The following MTMR1 variants were observed in gnomAD, a reference collection of about 807,000 sequenced individuals.
The protein encoded by MTMR1 is myotubularin related protein 1.
Under a neutral mutation model 51.6 loss-of-function variants are expected in MTMR1, and 17 were observed. The observed-to-expected ratio is 0.33, with a 90% confidence interval of 0.23 to 0.49. The LOEUF (loss-of-function observed/expected upper bound fraction) is 0.49, where lower values mean the gene tolerates loss of function less well. MTMR1 is among the 20% of genes least tolerant of loss of function. MTMR1 has a pLI of 0.99. For missense variants in MTMR1, 386 were observed against 526.9 expected (o/e 0.73, Z 2.62); for synonymous variants, 201 against 205.6 (o/e 0.98, Z 0.19).
chrX:150,742,765 C>T (rs1453657502), intron 12 of MTMR1, among the ~76,000 whole-genome samples: 2 of 95,028 alleles, frequency 2.1e-5, no homozygotes, highest in African/African-American at 8.2e-5. Context: ...TGCAGTGAGC[C>T]GAGATTGCGT....
chrX:150,758,705 C>T (rs1031882606), intron 15 of MTMR1, among the ~76,000 whole-genome samples: 3 of 108,963 alleles, frequency 2.8e-5, no homozygotes, highest in East Asian at 5.8e-4. Flanking sequence ...GCAGAAGAAT[C>T]GCTTGAACCT....
intron 6 of MTMR1, among the ~76,000 whole-genome samples, chrX:150,729,360 C>G (rs1207432452): frequency 8.9e-6 from 1 of 111,876 alleles, no homozygotes; most frequent in African/African-American, 3.3e-5. Flanking sequence ...AGAGGGAGGG[C>G]ATGTCAGGAA....
intron 14 of MTMR1, among the ~76,000 whole-genome samples, chrX:150,754,445 G>A (rs959448014): frequency 8.9e-6 from 1 of 112,587 alleles, no homozygotes; most frequent in Non-Finnish European, 1.9e-5. Flanking sequence ...TGGCCTTGCC[G>A]TTTTCTCATT....
At chrX:150,761,469 G>C (rs781864103) in intron 15 of MTMR1, among the ~76,000 whole-genome samples, 32 of 112,764 alleles carry the variant, frequency 2.8e-4, no homozygotes, top group Non-Finnish European at 5.6e-4. Context: ...TTGAGGGAGT[G>C]GGGGAAGGAC....
chrX:150,707,311 A>G (rs933008204), intron 2 of MTMR1, among the ~76,000 whole-genome samples: 1 of 112,107 alleles, frequency 8.9e-6, no homozygotes, highest in African/African-American at 3.2e-5. Flanking sequence ...TACAAAGTGG[A>G]AGAAAATATT....
At chrX:150,760,567 C>G (rs1227442982) in intron 15 of MTMR1, among the ~76,000 whole-genome samples, 1 of 111,886 alleles carries the variant, frequency 8.9e-6, no homozygotes, top group African/African-American at 3.2e-5. Context: ...CTAACACAAT[C>G]CTCTGTTTAA....
intron 1 of MTMR1, among the ~76,000 whole-genome samples, chrX:150,697,736 G>A (rs7061476): frequency 8.9e-6 from 1 of 111,840 alleles, no homozygotes; most frequent in African/African-American, 3.3e-5. Context: ...GCAAGGCTAC[G>A]TGTGTGAAAA....
intron 10 of MTMR1, among the ~76,000 whole-genome samples, chrX:150,734,235 C>A (rs1396955157): frequency 8.9e-6 from 1 of 112,732 alleles, no homozygotes; most frequent in African/African-American, 3.2e-5. Flanking sequence ...TTAGGTTCCA[C>A]CTGAAATAAT....
chrX:150,728,372 ATTGT>A (rs1343101793), intron 6 of MTMR1, among the ~76,000 whole-genome samples: 3 of 112,266 alleles, frequency 2.7e-5, no homozygotes, highest in African/African-American at 6.5e-5. Flanking sequence ...AACCTAAGTG[ATTGT>A]TTGTCACATC....
chrX:150,758,409 C>T (rs782165933), intron 15 of MTMR1, among the ~76,000 whole-genome samples: 18 of 112,289 alleles, frequency 1.6e-4, no homozygotes, highest in Middle Eastern at 4.6e-3. Flanking sequence ...TGTGGCTGCC[C>T]GATGGCTCCA....
intron 12 of MTMR1, among the ~76,000 whole-genome samples, chrX:150,742,046 C>T (rs1167372067): frequency 1.8e-5 from 2 of 112,520 alleles, no homozygotes; most frequent in African/African-American, 6.5e-5. Context: ...AAGGTGGAAG[C>T]AACCCCAGTG....
At chrX:150,726,063 T>C (rs1234516071) in intron 4 of MTMR1, among the ~76,000 whole-genome samples, 1 of 111,844 alleles carries the variant, frequency 8.9e-6, no homozygotes, top group African/African-American at 3.3e-5. Flanking sequence ...TCAGCACTGG[T>C]CCATGGCCTG....
At chrX:150,720,008 A>G (rs1038748747) in intron 4 of MTMR1, among the ~76,000 whole-genome samples, 20 of 112,234 alleles carry the variant, frequency 1.8e-4, no homozygotes, top group African/African-American at 5.5e-4. Flanking sequence ...TCTTAGAGTT[A>G]GATCTTAAGG....
At chrX:150,697,213 C>G (rs1434105457) in intron 1 of MTMR1, among the ~76,000 whole-genome samples, 5 of 111,850 alleles carry the variant, frequency 4.5e-5, no homozygotes, top group Non-Finnish European at 7.5e-5. Context: ...CCCCTCAGGT[C>G]GAAATTGTGG....
At chrX:150,743,800 G>T (rs1557417377) in intron 12 of MTMR1, among the ~76,000 whole-genome samples, 1 of 112,407 alleles carries the variant, frequency 8.9e-6, no homozygotes, top group African/African-American at 3.2e-5. Flanking sequence ...AGTATCAAAA[G>T]ATATGAAATA....
chrX:150,712,243 T>A, intron 2 of MTMR1, 99 bp from the exon 3 acceptor site: 1 of 729,169 alleles, frequency 1.4e-6, no homozygotes. Context: ...TAGAGGATTA[T>A]GATGTTTCTT....
intron 13 of MTMR1, among the ~76,000 whole-genome samples, chrX:150,744,980 C>A (rs2042536356): frequency 8.9e-6 from 1 of 112,563 alleles, no homozygotes; most frequent in African/African-American, 3.2e-5. Flanking sequence ...GTGCATCGTT[C>A]CCAAACCCCA....
intron 2 of MTMR1, among the ~76,000 whole-genome samples, chrX:150,709,184 T>C (rs1398661936): frequency 2.7e-5 from 3 of 112,140 alleles, no homozygotes; most frequent in African/African-American, 9.7e-5. Flanking sequence ...CCTATTCTCC[T>C]ACGGCTTCCA....
rs781858884 is a variant in MTMR1 at position 150,763,289 on chromosome X, AAT to A, written c.*562_*563del. The A allele has an allele frequency of 8.8e-6, 1 of 113,307 alleles. No homozygotes were observed. The highest frequency in any genetic ancestry group is 3.2e-5 in the African/African-American group (1 of 31,215). 9.3% of individuals were successfully genotyped at this position (113,307 alleles called of 1,213,427 possible). A position where few individuals can be genotyped will look rare whatever the true frequency, so the allele number is the denominator to read the frequency against. The stretch of plus-strand genomic sequence containing the variant: ...TTCCTATGTCCTTTTTTACGTTTAG[AAT>A]AGTCACCCGAGGGGGGATCAGCTCA... On this transcript the variant is annotated 3_prime_UTR_variant, in exon 16 of 16. Transcript: ENST00000445323.
Sources: allele counts gnomAD v4.1 joint callset (sites outside exome capture counted in the v4.1 genomes callset), GRCh38; gene constraint gnomAD v4.1.1; transcripts MANE v1.5; gene names NCBI Gene and HGNC (gene_info 2026-07-23, HGNC 2026-07-21).